CCSER1: variants seen among roughly 807,000 people sequenced by gnomAD.
CCSER1 encodes serine-rich coiled-coil domain-containing protein 1.
CCSER1 carries 41 observed loss-of-function variants against 82.0 expected under a neutral mutation model. The ratio of observed to expected loss-of-function variants is 0.50; its 90% CI spans 0.39 to 0.65. The LOEUF (loss-of-function observed/expected upper bound fraction) is 0.65, where lower values mean the gene tolerates loss of function less well. Among genes scored for constraint, CCSER1 ranks in the 30% least tolerant of loss-of-function variants. The probability of loss-of-function intolerance (pLI) is 0.00; values close to 1 mark genes in which losing one functional copy is unlikely to be tolerated. For synonymous variants in CCSER1, 414 were observed against 383.9 expected, an observed-to-expected ratio of 1.08 and a Z score of -0.92; for missense variants, 1,119 against 1,064.2, an observed-to-expected ratio of 1.05 and a Z score of -0.72.
intron 8 of CCSER1, among the ~76,000 whole-genome samples, chr4:90,913,806 G>T (rs924889592): frequency 2.4e-5 from 3 of 123,602 alleles, no homozygotes; most frequent in Non-Finnish European, 4.8e-5. Flanking sequence ...GAGCTACCAA[G>T]CAAATGGAAA....
intron 8 of CCSER1, among the ~76,000 whole-genome samples, chr4:90,849,806 A>G (rs1222295424): frequency 1.3e-5 from 2 of 151,766 alleles, no homozygotes; most frequent in South Asian, 2.1e-4. Context: ...AAAAAAAAAA[A>G]AAAAAGAAAA....
intron 10 of CCSER1, among the ~76,000 whole-genome samples, chr4:91,428,523 T>C (rs1165762191): frequency 6.6e-6 from 1 of 152,048 alleles, no homozygotes. Flanking sequence ...CAGAGAGTGA[T>C]TGGACTACTG....
At chr4:90,581,440 A>G (rs1042715239) in intron 5 of CCSER1, among the ~76,000 whole-genome samples, 12 of 152,162 alleles carry the variant, frequency 7.9e-5, no homozygotes, top group African/African-American at 2.4e-4. Context: ...AGGAAGGAAG[A>G]CTTGGTTAAG....
intron 7 of CCSER1, among the ~76,000 whole-genome samples, chr4:90,772,337 A>G (rs1371028094): frequency 1.3e-5 from 2 of 152,122 alleles, no homozygotes; most frequent in Non-Finnish European, 2.9e-5. Flanking sequence ...GTTAATTACT[A>G]TATATTATAA....
chr4:91,174,979 C>A (rs1457982855), intron 10 of CCSER1, among the ~76,000 whole-genome samples: 1 of 152,092 alleles, frequency 6.6e-6, no homozygotes, highest in African/African-American at 2.4e-5. Flanking sequence ...CTGCTCCCCC[C>A]ACCCCACAAC....
At chr4:91,337,836 A>G (rs557152781) in intron 10 of CCSER1, among the ~76,000 whole-genome samples, 1 of 152,290 alleles carries the variant, frequency 6.6e-6, no homozygotes, top group Admixed American at 6.5e-5. Flanking sequence ...TGAATTAGTC[A>G]TAGTGGGACA....
At chr4:90,232,875 G>A (rs1353675270) in intron 1 of CCSER1, among the ~76,000 whole-genome samples, 1 of 151,826 alleles carries the variant, frequency 6.6e-6, no homozygotes, top group Non-Finnish European at 1.5e-5. Context: ...ATGAAAAAAT[G>A]CTCACCATCA....
At chr4:90,547,251 A>G (rs1174820619) in intron 5 of CCSER1, among the ~76,000 whole-genome samples, 1 of 152,024 alleles carries the variant, frequency 6.6e-6, no homozygotes, top group Non-Finnish European at 1.5e-5. Context: ...AAAAGAAAAA[A>G]AAAGGTGAAG....
chr4:90,456,072 C>A (rs1193970942), intron 4 of CCSER1, among the ~76,000 whole-genome samples: 1 of 152,036 alleles, frequency 6.6e-6, no homozygotes, highest in African/African-American at 2.4e-5. Flanking sequence ...AGCTGTGGGA[C>A]CAGGTCCTCT....
chr4:90,872,267 CT>C (rs1398307176), intron 8 of CCSER1, among the ~76,000 whole-genome samples: 1 of 151,132 alleles, frequency 6.6e-6, no homozygotes, highest in Non-Finnish European at 1.5e-5. Context: ...TCCTTTTATC[CT>C]TCTTCCCACC....
intron 10 of CCSER1, among the ~76,000 whole-genome samples, chr4:91,199,635 C>G (rs1354097922): frequency 6.6e-6 from 1 of 152,030 alleles, no homozygotes; most frequent in Non-Finnish European, 1.5e-5. Context: ...ATGTTTTACT[C>G]TGCTGTTTTT....
intron 1 of CCSER1, among the ~76,000 whole-genome samples, chr4:90,202,253 A>C (rs1219102560): frequency 6.7e-6 from 1 of 150,236 alleles, no homozygotes; most frequent in African/African-American, 2.5e-5. Flanking sequence ...AAGCTGCTGG[A>C]GTGCAGTGGT....
intron 10 of CCSER1, among the ~76,000 whole-genome samples, chr4:91,140,124 G>A (rs1699024414): frequency 6.6e-6 from 1 of 151,940 alleles, no homozygotes; most frequent in South Asian, 2.1e-4. Flanking sequence ...TAAAGGTAGA[G>A]TGTATGAAAT....
intron 10 of CCSER1, among the ~76,000 whole-genome samples, chr4:91,190,039 C>T (rs2149046624): frequency 6.6e-6 from 1 of 152,268 alleles, no homozygotes; most frequent in Non-Finnish European, 1.5e-5. Flanking sequence ...TTCTCTTTGG[C>T]ACCACTGTTG....
chr4:91,083,853 A>T (rs766906159), intron 9 of CCSER1, among the ~76,000 whole-genome samples: 1 of 152,162 alleles, frequency 6.6e-6, no homozygotes, highest in Non-Finnish European at 1.5e-5. Flanking sequence ...AGTGTCAGTG[A>T]TTTTGGTGAC....
At chr4:91,284,350 G>A (rs2149207442) in intron 10 of CCSER1, among the ~76,000 whole-genome samples, 1 of 151,962 alleles carries the variant, frequency 6.6e-6, no homozygotes, top group South Asian at 2.1e-4. Context: ...TAACAATGTT[G>A]GTTTTTTTTC....
rs187653297 is a variant in CCSER1 at position 90,455,147 on chromosome 4, G to T, written c.1604-13087G>T. Among the ~76,000 whole-genome samples, 12 of 152,352 alleles carry T rather than the reference G, an allele frequency of 7.9e-5. No individual in the cohort carries two copies. The East Asian group carries it at 2.3e-3, about 29-fold the overall frequency. The stretch of plus-strand genomic sequence containing the variant: ...CGAACTTCCCTGCAAGGCAAAGAAA[G>T]TCTGCACATGTGGGACTTCAAACCA... On this transcript the variant is annotated intron_variant, in intron 4 of 10. Coordinates refer to ENST00000509176, the MANE Select transcript of CCSER1 (RefSeq NM_001145065.2).
intron 9 of CCSER1, among the ~76,000 whole-genome samples, chr4:91,000,330 G>A (rs1737922411): frequency 6.6e-6 from 1 of 152,000 alleles, no homozygotes; most frequent in Non-Finnish European, 1.5e-5. Flanking sequence ...TTGTAGCCTT[G>A]TAGTATAGGT....
At chr4:90,649,514 A>G (rs866133837) in intron 6 of CCSER1, 1 of 152,292 alleles carries the variant, frequency 6.6e-6, no homozygotes, top group Middle Eastern at 3.4e-3. Context: ...TTCTGTCTCT[A>G]CCATGTGAGG....
Sources: gnomAD v4.1 joint callset for allele counts (sites outside exome capture counted in the v4.1 genomes callset) on GRCh38, gnomAD v4.1.1 for gene constraint, MANE v1.5 for transcripts, NCBI Gene and HGNC (gene_info 2026-07-23, HGNC 2026-07-21) for gene names.